The following GPC6 variants were observed in gnomAD, a reference collection of about 807,000 sequenced individuals.
GPC6 encodes glypican-6.
GPC6 carries 14 observed loss-of-function variants against 55.2 expected under a neutral mutation model. That is an observed-to-expected ratio of 0.25 (90% CI 0.17 to 0.40). The LOEUF is 0.40. Among genes scored for constraint, GPC6 ranks in the 10% least tolerant of loss-of-function variants. The pLI is 1.00. For synonymous variants in GPC6, 278 were observed against 259.6 expected, an observed-to-expected ratio of 1.07 and a Z score of -0.68; for missense variants, 641 against 708.5, an observed-to-expected ratio of 0.90 and a Z score of 1.08.
At chr13:93,555,588 T>A (rs952374737) in intron 2 of GPC6, among the ~76,000 whole-genome samples, 2 of 152,204 alleles carry the variant, frequency 1.3e-5, no homozygotes, top group African/African-American at 4.8e-5. Flanking sequence ...TTCCAGTGGA[T>A]TTAATGGAAC....
At chr13:93,405,779 A>C (rs759175018) in intron 1 of GPC6, among the ~76,000 whole-genome samples, 1 of 152,202 alleles carries the variant, frequency 6.6e-6, no homozygotes, top group Non-Finnish European at 1.5e-5. Context: ...GTGTGTAATA[A>C]ACTACTTCCA....
At chr13:94,238,897 AG>A (rs1890963472) in intron 4 of GPC6, among the ~76,000 whole-genome samples, 1 of 152,118 alleles carries the variant, frequency 6.6e-6, no homozygotes, top group African/African-American at 2.4e-5. Flanking sequence ...AGAAGCTGGG[AG>A]GGGTGACTGG....
At chr13:93,301,896 G>A (rs956399603) in intron 1 of GPC6, among the ~76,000 whole-genome samples, 23 of 152,166 alleles carry the variant, frequency 1.5e-4, no homozygotes, top group African/African-American at 5.1e-4. Flanking sequence ...GAAGAGCCCC[G>A]ATGGATTATT....
chr13:94,243,437 T>C (rs1414058523), intron 4 of GPC6, among the ~76,000 whole-genome samples: 1 of 152,066 alleles, frequency 6.6e-6, no homozygotes, highest in Non-Finnish European at 1.5e-5. Context: ...TTCATAAAGA[T>C]AGAAACAGGT....
intron 2 of GPC6, among the ~76,000 whole-genome samples, chr13:93,548,572 T>G (rs1874953652): frequency 6.6e-6 from 1 of 152,184 alleles, no homozygotes; most frequent in African/African-American, 2.4e-5. Context: ...CCATATTCTA[T>G]TTATTGTCTT....
chr13:93,231,342 T>TACAC (rs1876009595), intron 1 of GPC6, among the ~76,000 whole-genome samples: 1 of 38,062 alleles, frequency 2.6e-5, no homozygotes, highest in African/African-American at 1.4e-4. Context: ...TATATATATA[T>TACAC]ATACATATAT....
At chr13:94,190,737 G>A (rs375252444) in intron 4 of GPC6, among the ~76,000 whole-genome samples, 4 of 152,232 alleles carry the variant, frequency 2.6e-5, no homozygotes, top group African/African-American at 9.6e-5. Flanking sequence ...ACACCCTGAA[G>A]TATTAAGGAG....
At chr13:94,220,249 G>A (rs1594070627) in intron 4 of GPC6, among the ~76,000 whole-genome samples, 1 of 152,106 alleles carries the variant, frequency 6.6e-6, no homozygotes, top group Admixed American at 6.6e-5. Flanking sequence ...ACACTGGCTT[G>A]TTCTCACATA....
At chr13:94,032,508 C>A (rs889098204) in intron 4 of GPC6, among the ~76,000 whole-genome samples, 1 of 152,198 alleles carries the variant, frequency 6.6e-6, no homozygotes, top group Non-Finnish European at 1.5e-5. Flanking sequence ...TTTCCCGTAT[C>A]ACTCTCAATA....
chr13:93,322,327 T>A (rs1879474849), intron 1 of GPC6, among the ~76,000 whole-genome samples: 1 of 152,084 alleles, frequency 6.6e-6, no homozygotes, highest in South Asian at 2.1e-4. Flanking sequence ...ACAGTGTGTG[T>A]ATATGTGTCA....
At position 93,945,659 on chromosome 13, in the gene GPC6, A is replaced by G. The variant is rs1456994437; in HGVS notation, c.712-82070A>G. On this transcript the variant is annotated intron_variant, in intron 3 of 8. Coordinates refer to ENST00000377047, the MANE Select transcript of GPC6 (RefSeq NM_005708.5). ...TTGGGCTGATTGCTGCAGAGGTTGC[A>G]GTTTGACTTCCTGGACTGCATGTTG... 3.9e-5 allele frequency among the ~76,000 whole-genome samples: 6 copies of G among 152,342 alleles called. No homozygotes were observed. The South Asian group carries it at 1.2e-3, about 32-fold the overall frequency.
upstream of GPC6, among the ~76,000 whole-genome samples, chr13:93,223,338 C>A (rs1481498030): frequency 1.3e-5 from 2 of 152,116 alleles, no homozygotes; most frequent in African/African-American, 2.4e-5. Flanking sequence ...TGAAAACCAG[C>A]TGGGATGTGA....
chr13:94,160,769 G>T (rs1356493084), intron 4 of GPC6, among the ~76,000 whole-genome samples: 2 of 152,000 alleles, frequency 1.3e-5, no homozygotes, highest in African/African-American at 4.8e-5. Flanking sequence ...ATGTATATAT[G>T]GGACTCAAAA....
At position 94,362,683 on chromosome 13, in the gene GPC6, G is replaced by A. The variant is rs930188578; in HGVS notation, c.1153-19731G>A. ...GTCAGCCTGCTTTAAGCAAGTCACTGTTCGACTTTTTGATAGCCTTTTGCC... is the reference window on the plus strand; with the variant it reads ...GTCAGCCTGCTTTAAGCAAGTCACTATTCGACTTTTTGATAGCCTTTTGCC... On this transcript the variant is annotated intron_variant, in intron 6 of 8. Coordinates refer to ENST00000377047, the MANE Select transcript of GPC6 (RefSeq NM_005708.5). 2.0e-5 allele frequency among the ~76,000 whole-genome samples: 3 copies of A among 152,220 alleles called. No homozygotes were observed. In the South Asian group the frequency reaches 6.2e-4, roughly 32 times the overall value.
Position 94,382,870 on chromosome 13 carries a change from A to G in GPC6, c.1289+320A>G, listed in dbSNP as rs539042816. On this transcript the variant is annotated intron_variant, in intron 7 of 8. Coordinates refer to ENST00000377047, the MANE Select transcript of GPC6 (RefSeq NM_005708.5). ...TTCATGTTCACTTAATGGCTTTAAG[A>G]TACTGAAGTTATTTTTATCCATAGT... 1.2e-4 allele frequency among the ~76,000 whole-genome samples: 19 copies of G among 152,340 alleles called. No homozygotes were observed. The Middle Eastern group carries it at 0.01, about 82-fold the overall frequency.
chr13:93,839,492 G>A (rs560835055), intron 3 of GPC6, among the ~76,000 whole-genome samples: 48 of 152,182 alleles, frequency 3.2e-4, no homozygotes, highest in Non-Finnish European at 5.6e-4. Flanking sequence ...TTCTGTTTAT[G>A]TGGCGTATCA....
chr13:93,521,300 CTT>C (rs1881412390), intron 1 of GPC6, among the ~76,000 whole-genome samples: 1 of 151,418 alleles, frequency 6.6e-6, no homozygotes, highest in African/African-American at 2.4e-5. Flanking sequence ...ATTTTCTTTT[CTT>C]TTCTTTTTTT....
At chr13:93,542,886 C>T (rs1475231258) in intron 1 of GPC6, among the ~76,000 whole-genome samples, 1 of 152,158 alleles carries the variant, frequency 6.6e-6, no homozygotes, top group Non-Finnish European at 1.5e-5. Flanking sequence ...TATCCTGAGA[C>T]TTTGCTGAAG....
intron 4 of GPC6, among the ~76,000 whole-genome samples, chr13:94,123,342 C>A (rs553354427): frequency 6.6e-6 from 1 of 152,088 alleles, no homozygotes; most frequent in South Asian, 2.1e-4. Flanking sequence ...GAAACCAAAA[C>A]ACTTTGTTAA....
Sources: allele counts gnomAD v4.1 joint callset (sites outside exome capture counted in the v4.1 genomes callset), GRCh38; gene constraint gnomAD v4.1.1; transcripts MANE v1.5; gene names NCBI Gene and HGNC (gene_info 2026-07-23, HGNC 2026-07-21).